Variants in HHEX observed in about 807,000 individuals in gnomAD.
The protein encoded by HHEX is hematopoietically expressed homeobox, also known as hematopoietically-expressed homeobox protein HHEX.
A neutral mutation model predicts 27.0 loss-of-function variants in HHEX; 8 were observed. The ratio of observed to expected loss-of-function variants is 0.30; its 90% CI spans 0.17 to 0.54. The LOEUF (loss-of-function observed/expected upper bound fraction) is 0.54. Among genes scored for constraint, HHEX ranks in the 20% least tolerant of loss-of-function variants. The probability of loss-of-function intolerance (pLI) is 0.95; values close to 1 mark genes in which losing one functional copy is unlikely to be tolerated. For missense variants in HHEX, 326 were observed against 357.2 expected (o/e 0.91, Z 0.70); for synonymous variants, 164 against 161.5 (o/e 1.02, Z -0.12).
chr10:92,690,217 A>G lies in HHEX; in HGVS notation c.231A>G (p.Pro77=). ...TGTACGAGCCCACGCCGATCCATCC[A>G]GCCTTCTCGCACCACTCCGCCGCCG... ...TPVYEPTPIH[P]AFSHHSAAAL... is the part of the protein sequence containing the mutation. Residue 77 remains proline (P), a synonymous_variant, in exon 1 of 4, where the codon CCA becomes CCG. Coordinates refer to ENST00000282728, the MANE Select transcript of HHEX (RefSeq NM_002729.5). The G allele has an allele frequency of 6.4e-7, 1 of 1,573,112 alleles. No individual in the cohort carries two copies. Among genetic ancestry groups the G allele is most frequent in the East Asian group, 2.3e-5 (1 of 42,786 alleles).
At chr10:92,692,102 A>G (rs1028878244) in intron 1 of HHEX, 3 of 321,244 alleles carry the variant, frequency 9.3e-6, no homozygotes. Context: ...GGTTAAAGGT[A>G]TGTCTGGATT....
intron 3 of HHEX, among the ~76,000 whole-genome samples, chr10:92,693,526 T>C (rs1845376942): frequency 6.6e-6 from 1 of 152,210 alleles, no homozygotes; most frequent in South Asian, 2.1e-4. Context: ...TTTGAAACAA[T>C]GAGTGGAGAA....
Position 92,694,897 on chromosome 10 carries a change from A to G in HHEX, c.*129A>G. Reference sequence around the variant, plus strand: ...AATTCTCTGGTATTCTGGAAACCTAAAAATATTTGGTGCACTGCTCAATTA... The same window carrying G: ...AATTCTCTGGTATTCTGGAAACCTAGAAATATTTGGTGCACTGCTCAATTA... On this transcript the variant is annotated 3_prime_UTR_variant, in exon 4 of 4. Transcript: ENST00000282728. 2 of 712,022 alleles carry G rather than the reference A, an allele frequency of 2.8e-6. No homozygotes were observed. The highest frequency in any genetic ancestry group is 4.6e-6 in the Non-Finnish European group (2 of 431,624). The allele number at this position is 712,022 out of a possible 1,614,324, so 44.1% of individuals were successfully genotyped here.
At chr10:92,691,613 C>T (rs1369036432) in intron 1 of HHEX, 2 of 152,260 alleles carry the variant, frequency 1.3e-5, no homozygotes, top group African/African-American at 4.8e-5. Flanking sequence ...CTGTGGTCGC[C>T]TGTCGGGGCT....
rs1269507182 is a variant in HHEX at position 92,695,302 on chromosome 10, G to A, written c.*534G>A. 2.0e-5 allele frequency: 3 copies of A among 153,606 alleles called. No individual in the cohort carries two copies. Among genetic ancestry groups the A allele is most frequent in the Non-Finnish European group, 4.4e-5 (3 of 68,890 alleles). 9.5% of individuals were successfully genotyped at this position (153,606 alleles called of 1,614,324 possible). A position where few individuals can be genotyped will look rare whatever the true frequency, so the allele number is the denominator to read the frequency against. On this transcript the variant is annotated 3_prime_UTR_variant, in exon 4 of 4. Transcript: ENST00000282728. The stretch of plus-strand genomic sequence containing the variant: ...GTCTCAAATCCAAAAACATTTCAGA[G>A]CTCTTGTCTCAGAGATGTGTGTTCT...
In HHEX at chr10:92,690,061, A is replaced by G. The variant is rs1845334935; in HGVS notation, c.75A>G (p.Gln25=). 2.6e-6 allele frequency: 4 copies of G among 1,540,704 alleles called. No homozygotes were observed. Among genetic ancestry groups the G allele is most frequent in the Middle Eastern group, 1.9e-4 (1 of 5,288 alleles). Residue 25 remains glutamine (Q), a synonymous_variant, in exon 1 of 4, where the codon CAA becomes CAG. Transcript: ENST00000282728. ...TGTACGCGCCCACGCCGCTGCTGCA[A>G]CCCGCACACCCGACGCCCTTTTACA... ...VPLYAPTPLL[Q]PAHPTPFYIE... is the part of the protein sequence containing the mutation.
At chr10:92,694,133 A>T (rs1460776753) in intron 3 of HHEX, among the ~76,000 whole-genome samples, 2 of 152,246 alleles carry the variant, frequency 1.3e-5, no homozygotes, top group East Asian at 3.8e-4. Flanking sequence ...TATTTTTAAA[A>T]TGTCTGAAAG....
At position 92,694,837 on chromosome 10, in the gene HHEX, T is replaced by C; in HGVS notation, c.*69T>C. ...AATGTTTTGCTACAGAAAATCTTCATAGAAGAACTGGAAGGCTATATAAGA... is the reference window on the plus strand; with the variant it reads ...AATGTTTTGCTACAGAAAATCTTCACAGAAGAACTGGAAGGCTATATAAGA... On this transcript the variant is annotated 3_prime_UTR_variant, in exon 4 of 4. Transcript: ENST00000282728. The C allele has an allele frequency of 2.6e-6, 3 of 1,173,854 alleles. No individual in the cohort carries two copies. The highest frequency in any genetic ancestry group is 2.6e-5 in the South Asian group (2 of 78,362). The allele number at this position is 1,173,854 out of a possible 1,614,324, so 72.7% of individuals were successfully genotyped here.
chr10:92,691,136 G>A (rs1342330033), intron 1 of HHEX, among the ~76,000 whole-genome samples: 1 of 150,858 alleles, frequency 6.6e-6, no homozygotes, highest in East Asian at 1.9e-4. Context: ...GCAGACGGAC[G>A]GACGGACCGA....
Position 92,695,608 on chromosome 10 carries a change from A to G in HHEX, c.*840A>G, listed in dbSNP as rs1322002746. ...TGTTTTTTTTTTAATAAGTAACTTG[A>G]CTATAAAATAAAGCCGTCCGTGGGA... On this transcript the variant is annotated 3_prime_UTR_variant, in exon 4 of 4. Coordinates refer to ENST00000282728, the MANE Select transcript of HHEX (RefSeq NM_002729.5). 1.3e-5 allele frequency: 2 copies of G among 152,192 alleles called. No individual in the cohort carries two copies. The highest frequency in any genetic ancestry group is 6.5e-5 in the Admixed American group (1 of 15,282). 9.4% of individuals were successfully genotyped at this position (152,192 alleles called of 1,614,324 possible).
intron 1 of HHEX, 114 bp downstream of exon 1, chr10:92,690,461 G>A: frequency 7.8e-7 from 1 of 1,275,070 alleles, no homozygotes; most frequent in Non-Finnish European, 1.0e-6. Context: ...CAAAAGCGAT[G>A]GAAAAGCAGC....
At position 92,695,272 on chromosome 10, in the gene HHEX, C is replaced by T. The variant is rs1444061151; in HGVS notation, c.*504C>T. ...TTTACTTTTATATGACATTCTTATACTGCTGTCTCAAATCCAAAAACATTT... is the reference window on the plus strand; with the variant it reads ...TTTACTTTTATATGACATTCTTATATTGCTGTCTCAAATCCAAAAACATTT... On this transcript the variant is annotated 3_prime_UTR_variant, in exon 4 of 4. Transcript: ENST00000282728. 3.2e-5 allele frequency: 5 copies of T among 154,146 alleles called. No homozygotes were observed. Among genetic ancestry groups the T allele is most frequent in the Admixed American group, 3.2e-4 (5 of 15,528 alleles). 9.5% of individuals were successfully genotyped at this position (154,146 alleles called of 1,614,324 possible).
In HHEX at chr10:92,690,104, C is replaced by T. The variant is rs1845335944; in HGVS notation, c.118C>T (p.Arg40Cys). The T allele has an allele frequency of 1.3e-6, 2 of 1,547,754 alleles. No homozygotes were observed. Among genetic ancestry groups the T allele is most frequent in the Non-Finnish European group, 1.7e-6 (2 of 1,145,740 alleles). ...TPFYIEDILG[R>C]GPAAPTPAPT... is the part of the protein sequence containing the mutation. ...CTTTTACATCGAGGACATCCTGGGC[C>T]GCGGGCCCGCCGCGCCCACGCCCGC... The change falls in exon 1 of 4, where the codon CGC (arginine) becomes TGC (cysteine). Residue 40 changes from arginine (R) to cysteine (C), a missense_variant. By Grantham distance (180) the Arg-to-Cys change is radical. Transcript: ENST00000282728.
At position 92,694,632 on chromosome 10, in the gene HHEX, A is replaced by G; in HGVS notation, c.677A>G (p.Asn226Ser). The G allele has an allele frequency of 6.2e-7, 1 of 1,614,164 alleles. No individual in the cohort carries two copies. The highest frequency in any genetic ancestry group is 1.1e-5 in the South Asian group (1 of 91,088). Residue 226 changes from asparagine (N) to serine (S), a missense_variant, in exon 4 of 4, where the codon AAT becomes AGT. By Grantham distance (46) the Asn-to-Ser change is conservative (BLOSUM62 1). Coordinates refer to ENST00000282728, the MANE Select transcript of HHEX (RefSeq NM_002729.5). ...AGGCAAGATTTGCCCAGTGAACAGAATAAAGGTGCTTCTTTGGATAGCTCT... is the reference window on the plus strand; with the variant it reads ...AGGCAAGATTTGCCCAGTGAACAGAGTAAAGGTGCTTCTTTGGATAGCTCT... ...DQRQDLPSEQ[N>S]KGASLDSSQC...
chr10:92,690,316 C>T lies in HHEX; in HGVS notation c.330C>T (p.Tyr110=), dbSNP rs750572886. The T allele has an allele frequency of 3.9e-6, 6 of 1,526,134 alleles. No individual in the cohort carries two copies. The highest frequency in any genetic ancestry group is 1.7e-4 in the Middle Eastern group (1 of 5,890). 94.5% of individuals were successfully genotyped at this position (1,526,134 alleles called of 1,614,324 possible). A position where few individuals can be genotyped will look rare whatever the true frequency, so the allele number is the denominator to read the frequency against. The change falls in exon 1 of 4, where the codon TAC becomes TAT. Residue 110 remains tyrosine, a synonymous_variant. Transcript: ENST00000282728. The stretch of plus-strand genomic sequence containing the variant: ...CCTTCCCGCGGACGGTGAACGACTA[C>T]ACGCACGCCCTGCTCCGCCACGACC... ...LYPFPRTVND[Y]THALLRHDPL...
At chr10:92,692,779 A>C in intron 3 of HHEX, 27 bp downstream of exon 3, 1 of 1,587,410 alleles carries the variant, frequency 6.3e-7, no homozygotes. Flanking sequence ...GTTTCTATGG[A>C]AATAAATATT....
At chr10:92,692,147 G>C (rs907418540) in intron 1 of HHEX, 10 of 507,514 alleles carry the variant, frequency 2.0e-5, no homozygotes, top group Admixed American at 3.4e-5. Flanking sequence ...GTCTGTCTGT[G>C]TGTGTACAAG....
In HHEX at chr10:92,692,635, G is replaced by A; in HGVS notation, c.541-67G>A. On this transcript the variant is annotated intron_variant, in intron 2 of 3. Transcript: ENST00000282728. ...CGGGCCACCGAGAGAGAGGCGAGGA[G>A]CCACCCTGCCCTCTGGCACGTCCCG... The A allele has an allele frequency of 4.4e-6, 7 of 1,604,896 alleles. No individual in the cohort carries two copies. The South Asian group carries it at 7.7e-5, about 18-fold the overall frequency.
chr10:92,693,108 C>T (rs1040029428), intron 3 of HHEX, among the ~76,000 whole-genome samples: 1 of 152,138 alleles, frequency 6.6e-6, no homozygotes, highest in Non-Finnish European at 1.5e-5. Context: ...AAAATTGTTT[C>T]TTTTATTTAC....
Sources: allele counts gnomAD v4.1 joint callset (sites outside exome capture counted in the v4.1 genomes callset), GRCh38; gene constraint gnomAD v4.1.1; transcripts MANE v1.5; gene names NCBI Gene and HGNC (gene_info 2026-07-23, HGNC 2026-07-21).